The following CCDC13 variants were observed in gnomAD, a reference collection of about 807,000 sequenced individuals.
The protein encoded by CCDC13 is coiled-coil domain-containing protein 13.
A neutral mutation model predicts 87.3 loss-of-function variants in CCDC13; 70 were observed. That is an observed-to-expected ratio of 0.80 (90% CI 0.66 to 0.98). The LOEUF is 0.98. CCDC13 is among the 50% of genes least tolerant of loss of function. The pLI is 0.00. For missense variants in CCDC13, 842 were observed against 892.0 expected (o/e 0.94, Z 0.71); for synonymous variants, 317 against 360.3 (o/e 0.88, Z 1.36).
At chr3:42,763,162 G>T (rs560980714) in intron 1 of CCDC13, among the ~76,000 whole-genome samples, 2 of 152,282 alleles carry the variant, frequency 1.3e-5, no homozygotes, top group Non-Finnish European at 2.9e-5. Flanking sequence ...ATTACAGCTG[G>T]CTGTTTGCCT....
intron 1 of CCDC13, among the ~76,000 whole-genome samples, chr3:42,770,079 C>T (rs73087348): frequency 0.18 from 26,810 of 152,252 alleles, 2,743 homozygotes; most frequent in Non-Finnish European, 0.23. Context: ...CCGGCACCTC[C>T]GCCTGGGGCC....
intron 1 of CCDC13, among the ~76,000 whole-genome samples, chr3:42,761,045 C>T (rs1406908831): frequency 6.6e-6 from 1 of 152,162 alleles, no homozygotes; most frequent in Non-Finnish European, 1.5e-5. Context: ...TCTGTTTGAA[C>T]TTCACATAAA....
At chr3:42,772,506 T>A (rs1293284407) in intron 1 of CCDC13, among the ~76,000 whole-genome samples, 1 of 152,140 alleles carries the variant, frequency 6.6e-6, no homozygotes, top group Non-Finnish European at 1.5e-5. Context: ...TTCATTGTTT[T>A]TCTCTTCCCC....
chr3:42,709,854 C>T, intron 14 of CCDC13, 56 bp from the exon 15 acceptor site: 1 of 1,307,050 alleles, frequency 7.7e-7, no homozygotes, highest in Non-Finnish European at 1.1e-6. Flanking sequence ...GTGCTAGCAC[C>T]CTGCTTCTCC....
intron 13 of CCDC13, among the ~76,000 whole-genome samples, chr3:42,715,692 TC>T (rs1301779891): frequency 6.6e-6 from 1 of 152,238 alleles, no homozygotes; most frequent in African/African-American, 2.4e-5. Context: ...CATTTCAAGT[TC>T]TTAAACTGTA....
chr3:42,770,097 A>G (rs1700032002), intron 1 of CCDC13, among the ~76,000 whole-genome samples: 1 of 152,256 alleles, frequency 6.6e-6, no homozygotes, highest in African/African-American at 2.4e-5. Flanking sequence ...GCCCTGGTGC[A>G]GGATCCACTG....
intron 11 of CCDC13, 141 bp from the exon 12 acceptor site, chr3:42,733,111 C>T (rs563446177): frequency 1.6e-5 from 11 of 681,114 alleles, no homozygotes; most frequent in East Asian, 1.1e-4. Context: ...TGCTGCCCTT[C>T]TTTCCAGAAC....
At chr3:42,736,263 C>T (rs568788688) in intron 9 of CCDC13, among the ~76,000 whole-genome samples, 20 of 152,144 alleles carry the variant, frequency 1.3e-4, no homozygotes, top group Non-Finnish European at 2.4e-4. Flanking sequence ...GGGAGACTGC[C>T]CTTGGAGGCA....
chr3:42,709,639 G>C, intron 15 of CCDC13, 45 bp downstream of exon 15: 1 of 1,499,140 alleles, frequency 6.7e-7, no homozygotes, highest in Non-Finnish European at 9.3e-7. Context: ...AGGCACCTCT[G>C]CTCAGACAAC....
Position 42,730,658 on chromosome 3 carries a change from T to C in CCDC13, c.1596-69A>G, listed in dbSNP as rs552343812. ...CTAGAAATAACACTTACCCCTGTGA[T>C]GGTTGGAGGGACTAGAAGGACATTC... On this transcript the variant is annotated intron_variant, in intron 12 of 15. Transcript: ENST00000310232. The C allele has an allele frequency of 5.7e-6, 9 of 1,582,048 alleles. No individual in the cohort carries two copies. The South Asian group carries it at 6.8e-5, about 12-fold the overall frequency.
intron 13 of CCDC13, among the ~76,000 whole-genome samples, chr3:42,720,795 C>G (rs1035390226): frequency 1.3e-5 from 2 of 152,098 alleles, no homozygotes; most frequent in Non-Finnish European, 1.5e-5. Context: ...TCAGCTTTTC[C>G]GTCAATTAAA....
At chr3:42,726,980 T>C (rs1698704291) in intron 13 of CCDC13, among the ~76,000 whole-genome samples, 1 of 152,168 alleles carries the variant, frequency 6.6e-6, no homozygotes. Flanking sequence ...AACAATAGGA[T>C]AGCCTGAAAG....
intron 9 of CCDC13, 87 bp from the exon 10 acceptor site, chr3:42,736,000 A>C: frequency 1.5e-6 from 2 of 1,292,752 alleles, no homozygotes; most frequent in Non-Finnish European, 2.2e-6. Flanking sequence ...CCTCACCCCA[A>C]AGCAGGCTGC....
intron 3 of CCDC13, among the ~76,000 whole-genome samples, chr3:42,756,392 C>T (rs763940203): frequency 5.3e-5 from 8 of 152,172 alleles, no homozygotes; most frequent in Non-Finnish European, 8.8e-5. Context: ...AAGCCAAGGT[C>T]CTCACCAGAC....
chr3:42,736,206 G>A (rs531947109), intron 9 of CCDC13, among the ~76,000 whole-genome samples: 8 of 152,188 alleles, frequency 5.3e-5, no homozygotes, highest in East Asian at 1.9e-4. Context: ...CTCCTCACCC[G>A]GTGGGGGAGA....
chr3:42,730,806 A>C (rs1698809973), intron 12 of CCDC13, among the ~76,000 whole-genome samples: 1 of 152,166 alleles, frequency 6.6e-6, no homozygotes, highest in East Asian at 1.9e-4. Context: ...TGAACCTACC[A>C]GAACTAGAGT....
Position 42,752,712 on chromosome 3 carries a change from CT to C in CCDC13, c.375del (p.Ala126ProfsTer3). On this transcript the variant is annotated frameshift_variant, in exon 4 of 16. Coordinates refer to ENST00000310232, the MANE Select transcript of CCDC13 (RefSeq NM_144719.4). LOFTEE classifies it high-confidence loss of function. ...IEEDRFAFTG[T>X]AGVAGDVVAT... is the part of the protein sequence containing the mutation. Reference sequence around the variant, plus strand: ...GCGACCACGTCTCCGGCTACACCGGCTGTCCCTAAAATGAAAGGAATGGTGA... The same window carrying C: ...GCGACCACGTCTCCGGCTACACCGGCGTCCCTAAAATGAAAGGAATGGTGA... 6.2e-7 allele frequency: 1 copy of C among 1,614,070 alleles called. No individual in the cohort carries two copies. The highest frequency in any genetic ancestry group is 8.5e-7 in the Non-Finnish European group (1 of 1,180,024).
chr3:42,714,204 A>C (rs1698378878), intron 13 of CCDC13: 1 of 152,224 alleles, frequency 6.6e-6, no homozygotes, highest in South Asian at 2.1e-4. Flanking sequence ...AAGGGCTCAA[A>C]AGATTACATT....
In CCDC13 at chr3:42,772,282, A is replaced by AGT. The variant is rs1453426724; in HGVS notation, c.-7+893_-7+894insAC. ...GAGACTCCGTCAAAAAAAAAAAAAA[A>AGT]AAAAAAAAGTAATAATAAAAAAAAT... On this transcript the variant is annotated intron_variant, in intron 1 of 15. Transcript: ENST00000310232. 3.3e-3 allele frequency among the ~76,000 whole-genome samples: 114 copies of AGT among 34,780 alleles called. 1 individual carries two copies. Among genetic ancestry groups the AGT allele is most frequent in the Admixed American group, 2.5e-3 (6 of 2,368 alleles). The allele number at this position is 34,780 out of a possible 152,430, so 22.8% of individuals were successfully genotyped here. A position where few individuals can be genotyped will look rare whatever the true frequency, so the allele number is the denominator to read the frequency against.
Sources: gnomAD v4.1 joint callset for allele counts (sites outside exome capture counted in the v4.1 genomes callset) on GRCh38, gnomAD v4.1.1 for gene constraint, MANE v1.5 for transcripts, NCBI Gene and HGNC (gene_info 2026-07-23, HGNC 2026-07-21) for gene names.